Variants in TTC7A observed in about 807,000 individuals in gnomAD.
TTC7A encodes the protein tetratricopeptide repeat protein 7A.
A neutral mutation model predicts 103.7 loss-of-function variants in TTC7A; 110 were observed. The ratio of observed to expected loss-of-function variants is 1.06; its 90% confidence interval spans 0.91 to 1.24. TTC7A has a LOEUF of 1.24. Among genes scored for constraint, TTC7A ranks in the 50% most tolerant of loss-of-function variants. The pLI, the probability that TTC7A is intolerant of heterozygous loss-of-function variation, is 0.00. For missense variants in TTC7A, 1,340 were observed against 1,116.3 expected (o/e 1.20, Z -2.86); for synonymous variants, 521 against 467.9 (o/e 1.11, Z -1.47).
chr2:47,041,775 T>TA (rs1397986075), intron 15 of TTC7A, among the ~76,000 whole-genome samples: 1 of 150,712 alleles, frequency 6.6e-6, no homozygotes, highest in African/African-American at 2.4e-5. Context: ...AAAAGCTTGA[T>TA]ATGAGTTTAC....
intron 1 of TTC7A, among the ~76,000 whole-genome samples, chr2:46,947,501 A>G (rs1404466079): frequency 6.6e-6 from 1 of 152,202 alleles, no homozygotes; most frequent in Non-Finnish European, 1.5e-5. Flanking sequence ...AGATCACTTG[A>G]GCCCAGGAGT....
chr2:46,959,171 C>G (rs1285221311), intron 3 of TTC7A, among the ~76,000 whole-genome samples: 1 of 152,182 alleles, frequency 6.6e-6, no homozygotes, highest in Non-Finnish European at 1.5e-5. Flanking sequence ...AGGCCAAGCC[C>G]TCATGTTACA....
At chr2:46,961,857 C>T (rs1443495517) in intron 3 of TTC7A, among the ~76,000 whole-genome samples, 1 of 152,016 alleles carries the variant, frequency 6.6e-6, no homozygotes, top group African/African-American at 2.4e-5. Context: ...TGCAGTGACC[C>T]GAGATCACAC....
rs554136737 is a variant in TTC7A at position 46,972,718 on chromosome 2, A to G, written c.518-2255A>G. On this transcript the variant is annotated intron_variant, in intron 3 of 19. Coordinates refer to ENST00000319190, the MANE Select transcript of TTC7A (RefSeq NM_020458.4). Reference sequence around the variant, plus strand: ...TGCAGGCAGAGACCTGAGCATGGGTAACTTCTGCAGGGAGGAACTGTTGGG... The same window carrying G: ...TGCAGGCAGAGACCTGAGCATGGGTGACTTCTGCAGGGAGGAACTGTTGGG... Among the ~76,000 whole-genome samples the G allele has an allele frequency of 2.6e-5, 4 of 152,368 alleles. 1 individual carries two copies. Among genetic ancestry groups the G allele is most frequent in the African/African-American group, 9.6e-5 (4 of 41,582 alleles).
Position 46,978,724 on chromosome 2 carries a change from C to T in TTC7A, c.649-68C>T, listed in dbSNP as rs922288018. ...GACTGGGATGGTGATGAGGCCACCT[C>T]CTCTTGCTGAGTGACCCTCTGCCTC... On this transcript the variant is annotated intron_variant, in intron 4 of 19. Transcript: ENST00000319190. 2 of 1,286,126 alleles carry T rather than the reference C, an allele frequency of 1.6e-6. 1 individual carries two copies. Among genetic ancestry groups the T allele is most frequent in the South Asian group, 2.5e-5 (2 of 81,544 alleles). 79.7% of individuals were successfully genotyped at this position (1,286,126 alleles called of 1,614,324 possible).
chr2:46,990,799 G>A (rs1157524235), intron 5 of TTC7A, among the ~76,000 whole-genome samples: 2 of 152,178 alleles, frequency 1.3e-5, no homozygotes, highest in Admixed American at 6.5e-5. Flanking sequence ...TGAACTAGGA[G>A]AACTAGAAGA....
chr2:47,017,850 C>T (rs1244628384), intron 11 of TTC7A, among the ~76,000 whole-genome samples: 2 of 152,122 alleles, frequency 1.3e-5, no homozygotes, highest in African/African-American at 4.8e-5. Context: ...GGACTATACT[C>T]AGATGACACT....
chr2:47,059,639 C>T (rs1683607304), intron 18 of TTC7A, among the ~76,000 whole-genome samples: 1 of 152,214 alleles, frequency 6.6e-6, no homozygotes, highest in Non-Finnish European at 1.5e-5. Context: ...CTGCTTCCAT[C>T]CCCTTCTCCC....
chr2:47,038,643 CCCCCACCCA>C (rs1300170167), intron 15 of TTC7A, among the ~76,000 whole-genome samples: 116 of 20,532 alleles, frequency 5.6e-3, no homozygotes, highest in African/African-American at 0.026. Context: ...ACCCACCCTC[CCCCCACCCA>C]CCCCCCCGAC....
chr2:46,988,258 G>A (rs1474731432), intron 5 of TTC7A, among the ~76,000 whole-genome samples: 1 of 152,192 alleles, frequency 6.6e-6, no homozygotes, highest in African/African-American at 2.4e-5. Context: ...TGGTGCCACA[G>A]GAGGGAAATG....
At chr2:46,986,044 A>C (rs1222946318) in intron 5 of TTC7A, among the ~76,000 whole-genome samples, 2 of 152,176 alleles carry the variant, frequency 1.3e-5, no homozygotes, top group Non-Finnish European at 2.9e-5. Flanking sequence ...ATGGCTCCAG[A>C]CATTGGCACG....
rs369098992 is a variant in TTC7A at position 46,982,598 on chromosome 2, G to A, written c.764+3691G>A. Among the ~76,000 whole-genome samples, 13 of 152,146 alleles carry A rather than the reference G, an allele frequency of 8.5e-5. No homozygotes were observed. In the East Asian group the frequency reaches 1.3e-3, roughly 16 times the overall value. ...TATCTGTAAGCTGGTGGTAAGGACC[G>A]TGCCTGCCTTCTCATAGCATTGTTG... On this transcript the variant is annotated intron_variant, in intron 5 of 19. Transcript: ENST00000319190.
intron 15 of TTC7A, among the ~76,000 whole-genome samples, chr2:47,044,940 A>G (rs1417497704): frequency 6.6e-6 from 1 of 152,206 alleles, no homozygotes; most frequent in Non-Finnish European, 1.5e-5. Flanking sequence ...GGCAACTGCC[A>G]GGGGCAGGCC....
rs1041498077 is a variant in TTC7A at position 46,953,819 on chromosome 2, CT to C, written c.349-3006del. On this transcript the variant is annotated intron_variant, in intron 2 of 19. Transcript: ENST00000319190. Reference sequence around the variant, plus strand: ...CCCATTTCTTTTTCTTTCTTTCTTTCTTTTTTTTTTTTTTCAATTTTTTGTA... The same window carrying C: ...CCCATTTCTTTTTCTTTCTTTCTTTCTTTTTTTTTTTTTCAATTTTTTGTA... 7.5e-3 allele frequency among the ~76,000 whole-genome samples: 1,050 copies of C among 140,784 alleles called. 3 individuals are homozygous for C. Among genetic ancestry groups the C allele is most frequent in the Non-Finnish European group, 9.6e-3 (615 of 64,230 alleles). The allele number at this position is 140,784 out of a possible 152,430, so 92.4% of individuals were successfully genotyped here. A position where few individuals can be genotyped will look rare whatever the true frequency, so the allele number is the denominator to read the frequency against.
rs138048628 is a variant in TTC7A, at chr2:47,000,725, G to T, written c.1066-5197G>T. ...GGAGACTTGTTTCTGGGGTAGTTTT[G>T]CGGGGGCTGAGGGTGGCAGCAACAG... On this transcript the variant is annotated intron_variant, in intron 8 of 19. Coordinates refer to ENST00000319190, the MANE Select transcript of TTC7A (RefSeq NM_020458.4). Among the ~76,000 whole-genome samples, 359 of 152,294 alleles carry T rather than the reference G, an allele frequency of 2.4e-3. 3 individuals carry two copies. The highest frequency in any genetic ancestry group is 8.4e-3 in the African/African-American group (348 of 41,562).
chr2:46,918,948 C>T (rs1218444699), intron 2 of TTC7A, among the ~76,000 whole-genome samples: 1 of 152,208 alleles, frequency 6.6e-6, no homozygotes, highest in Non-Finnish European at 1.5e-5. Flanking sequence ...ACCCCATTTA[C>T]TTTGTGTACT....
At chr2:47,009,910 G>C (rs1302787476) in intron 10 of TTC7A, among the ~76,000 whole-genome samples, 26 of 144,790 alleles carry the variant, frequency 1.8e-4, no homozygotes, top group Admixed American at 5.5e-4. Flanking sequence ...TTTTGGTGGT[G>C]GGGGGGACAG....
intron 11 of TTC7A, among the ~76,000 whole-genome samples, chr2:47,016,081 A>G (rs920797811): frequency 1.2e-4 from 19 of 152,186 alleles, no homozygotes; most frequent in African/African-American, 4.6e-4. Context: ...AGGTGAGGTA[A>G]CCCTTGAAAT....
intron 1 of TTC7A, among the ~76,000 whole-genome samples, chr2:46,943,202 C>A (rs1238553951): frequency 6.6e-6 from 1 of 152,128 alleles, no homozygotes; most frequent in East Asian, 1.9e-4. Flanking sequence ...TGTGTCTGGC[C>A]GCTTTCTCTA....
Sources: allele counts gnomAD v4.1 joint callset (sites outside exome capture counted in the v4.1 genomes callset), GRCh38; gene constraint gnomAD v4.1.1; transcripts MANE v1.5; gene names NCBI Gene and HGNC (gene_info 2026-07-23, HGNC 2026-07-21).